Variants in SVEP1 observed in about 807,000 individuals in gnomAD.
SVEP1 encodes the protein sushi, von Willebrand factor type A, EGF and pentraxin domain containing 1.
A neutral mutation model predicts 367.3 loss-of-function variants in SVEP1; 164 were observed. The ratio of observed to expected loss-of-function variants is 0.45; its 90% CI spans 0.39 to 0.51. SVEP1 has a LOEUF of 0.51. Ranked by LOEUF, SVEP1 falls within the 20% of genes least tolerant of loss-of-function variation. The pLI, the probability that SVEP1 is intolerant of heterozygous loss-of-function variation, is 0.00. For missense variants in SVEP1, 4,117 were observed against 4,425.3 expected (o/e 0.93, Z 1.98); for synonymous variants, 1,666 against 1,611.6 (o/e 1.03, Z -0.81).
intron 43 of SVEP1, among the ~76,000 whole-genome samples, chr9:110,385,298 A>C (rs1827503366): frequency 6.6e-6 from 1 of 152,184 alleles, no homozygotes; most frequent in Admixed American, 6.6e-5. Flanking sequence ...AGATGTTTTA[A>C]ATGGAGTTAA....
At position 110,507,958 on chromosome 9, in the gene SVEP1, G is replaced by A. The variant is rs114578902; in HGVS notation, c.1304-4741C>T. ...ATGCAAATTATACTGCTTCTCAGAT[G>A]TTGGTATTAATAAACTTCCATTGCT... is the stretch of plus-strand genomic sequence containing the variant. On this transcript the variant is annotated intron_variant, in intron 5 of 47. Transcript: ENST00000374469. 6.3e-3 allele frequency among the ~76,000 whole-genome samples: 966 copies of A among 152,250 alleles called. 11 individuals are homozygous for A. Among genetic ancestry groups the A allele is most frequent in the African/African-American group, 0.022 (925 of 41,548 alleles).
At chr9:110,499,853 CACATT>C (rs1829506044) in intron 6 of SVEP1, among the ~76,000 whole-genome samples, 1 of 152,196 alleles carries the variant, frequency 6.6e-6, no homozygotes, top group Admixed American at 6.5e-5. Flanking sequence ...CACCCATAGG[CACATT>C]TGTTTTTTGT....
Position 110,482,461 on chromosome 9 carries a change from T to G in SVEP1, c.2070A>C (p.Thr690=). ...GAELVITRSH[T]QGDLFPQGET... ...CCCCTTGAGGGAAAAGGTCTCCTTG[T>G]GTATGACTTCTGGTAATGACCAATT... Residue 690 remains threonine, a synonymous_variant, in exon 11 of 48, where the codon ACA becomes ACC. Transcript: ENST00000374469. 6.3e-7 allele frequency: 1 copy of G among 1,586,376 alleles called. No homozygotes were observed. The highest frequency in any genetic ancestry group is 8.6e-7 in the Non-Finnish European group (1 of 1,164,942).
intron 13 of SVEP1, among the ~76,000 whole-genome samples, chr9:110,478,828 G>A (rs920902200): frequency 2.4e-4 from 36 of 152,226 alleles, no homozygotes; most frequent in Admixed American, 5.9e-4. Context: ...AAGTGCTACC[G>A]AGTCTGCAGG....
rs140468170 is a variant in SVEP1, at chr9:110,463,048, T to C, written c.3322+2817A>G. On this transcript the variant is annotated intron_variant, in intron 18 of 47. Transcript: ENST00000374469. Reference sequence around the variant, plus strand: ...ATATCATAACATCATTTTGTACACCTTAATTATAGATCATTTTAAATAAAT... The same window carrying C: ...ATATCATAACATCATTTTGTACACCCTAATTATAGATCATTTTAAATAAAT... Among the ~76,000 whole-genome samples, 7 of 152,218 alleles carry C rather than the reference T, an allele frequency of 4.6e-5. No homozygotes were observed. In the East Asian group the frequency reaches 1.2e-3, roughly 25 times the overall value.
chr9:110,394,870 G>A (rs1230720846), intron 40 of SVEP1, among the ~76,000 whole-genome samples: 8 of 152,264 alleles, frequency 5.3e-5, no homozygotes, highest in East Asian at 1.9e-4. Context: ...CCAAATCTAC[G>A]TCTGATTGGT....
chr9:110,493,810 C>G (rs987582349), intron 8 of SVEP1, among the ~76,000 whole-genome samples: 3 of 152,132 alleles, frequency 2.0e-5, no homozygotes, highest in African/African-American at 7.2e-5. Context: ...AGGTTAGAGA[C>G]ACTGATGGGT....
chr9:110,558,493 G>A (rs1217783785), intron 1 of SVEP1, among the ~76,000 whole-genome samples: 8 of 124,700 alleles, frequency 6.4e-5, no homozygotes, highest in Non-Finnish European at 1.3e-4. Flanking sequence ...CAGCCTGGGT[G>A]ACAGAATGAG....
intron 47 of SVEP1, 22 bp from the exon 48 acceptor site, chr9:110,366,582 A>G: frequency 6.6e-7 from 1 of 1,524,286 alleles, no homozygotes. Context: ...AAAAAAAGCA[A>G]CCAAATAGAT....
At chr9:110,465,250 C>A (rs982382105) in intron 18 of SVEP1, among the ~76,000 whole-genome samples, 1 of 151,624 alleles carries the variant, frequency 6.6e-6, no homozygotes, top group South Asian at 2.1e-4. Flanking sequence ...AAATTAGTGG[C>A]TCTCAGATTT....
intron 1 of SVEP1, among the ~76,000 whole-genome samples, chr9:110,553,089 C>T (rs1830311842): frequency 6.6e-6 from 1 of 152,080 alleles, no homozygotes; most frequent in Admixed American, 6.5e-5. Flanking sequence ...TGCGGATGAC[C>T]AACAAAGACC....
chr9:110,387,705 T>C (rs577447051), intron 41 of SVEP1, among the ~76,000 whole-genome samples: 20 of 152,316 alleles, frequency 1.3e-4, no homozygotes, highest in African/African-American at 4.8e-4. Flanking sequence ...TTATTAATAA[T>C]GCTGGGGACA....
Position 110,404,231 on chromosome 9 carries a change from T to A in SVEP1, c.9666+96A>T, listed in dbSNP as rs562264164. On this transcript the variant is annotated intron_variant, in intron 39 of 47. Transcript: ENST00000374469. ...TTTGAAATGAGTGAAAACTTCAGAC[T>A]TTTTTTTCTTTTTGGGATTACTATT... is the stretch of plus-strand genomic sequence containing the variant. 15 of 1,206,042 alleles carry A rather than the reference T, an allele frequency of 1.2e-5. No individual in the cohort carries two copies. The South Asian group carries it at 1.5e-4, about 12-fold the overall frequency. 74.7% of individuals were successfully genotyped at this position (1,206,042 alleles called of 1,614,324 possible).
intron 5 of SVEP1, among the ~76,000 whole-genome samples, chr9:110,511,488 C>CTTTTTTTTTTTTTTTT (rs199993986): frequency 5.2e-5 from 4 of 77,554 alleles, no homozygotes; most frequent in African/African-American, 9.0e-5. Flanking sequence ...GTGTCAGTAC[C>CTTTTTTTTTTTTTTTT]TTTTTTTTTT....
rs995723498 is a variant in SVEP1 at position 110,411,602 on chromosome 9, G to C, written c.6109C>G (p.Arg2037Gly). ...VDHASPETAH[R>G]LFGDIAFYYC... ...TAGAATGCAATGTCTCCAAAGAGCC[G>C]ATGGGCAGTCTCTGGAGAGGCGTGG... Residue 2037 changes from arginine to glycine, a missense_variant, in exon 37 of 48, where the codon CGG (arginine) becomes GGG (glycine). Coordinates refer to ENST00000374469, the MANE Select transcript of SVEP1 (RefSeq NM_153366.4). 1.2e-6 allele frequency: 2 copies of C among 1,613,762 alleles called. No individual in the cohort carries two copies. The highest frequency in any genetic ancestry group is 1.7e-6 in the Non-Finnish European group (2 of 1,179,822).
In SVEP1 at chr9:110,438,908, G is replaced by A. The variant is rs926155413; in HGVS notation, c.4640-2404C>T. On this transcript the variant is annotated intron_variant, in intron 27 of 47. Transcript: ENST00000374469. ...CAGTATCACACCTATATCTTTAGCT[G>A]TATTTTCGTGACTAGAAATTCAACA... Among the ~76,000 whole-genome samples the A allele has an allele frequency of 2.6e-5, 4 of 152,144 alleles. No homozygotes were observed. In the South Asian group the frequency reaches 6.2e-4, roughly 24 times the overall value.
chr9:110,513,846 C>T lies in SVEP1; in HGVS notation c.1123+102G>A, dbSNP rs10980420. 7.4e-3 allele frequency: 9,768 copies of T among 1,327,740 alleles called. 78 individuals carry two copies. Among genetic ancestry groups the T allele is most frequent in the Non-Finnish European group, 8.9e-3 (8,801 of 983,472 alleles). The allele number at this position is 1,327,740 out of a possible 1,614,324, so 82.2% of individuals were successfully genotyped here. Reference sequence around the variant, plus strand: ...CAAAAAATATGATTAGAGAAAAGAACATTAAAGATCATTCTAAATGAATTA... The same window carrying T: ...CAAAAAATATGATTAGAGAAAAGAATATTAAAGATCATTCTAAATGAATTA... On this transcript the variant is annotated intron_variant, in intron 4 of 47. Coordinates refer to ENST00000374469, the MANE Select transcript of SVEP1 (RefSeq NM_153366.4).
rs768729921 is a variant in SVEP1, at chr9:110,407,561, A to C, written c.8039T>G (p.Met2680Arg). 6.2e-7 allele frequency: 1 copy of C among 1,614,028 alleles called. No homozygotes were observed. Among genetic ancestry groups the C allele is most frequent in the Non-Finnish European group, 8.5e-7 (1 of 1,179,886 alleles). Reference protein sequence around the residue: ...THSSNFLYGTMVSYTCNPGYE... With the variant: ...THSSNFLYGTRVSYTCNPGYE... ...TCCTGGATTACAGGTGTATGAAACCATGGTACCATACAGAAAGTTTGATGA... is the reference window on the plus strand; with the variant it reads ...TCCTGGATTACAGGTGTATGAAACCCTGGTACCATACAGAAAGTTTGATGA... Residue 2680 changes from methionine to arginine, a missense_variant, in exon 38 of 48, where the codon ATG (methionine) becomes AGG (arginine). Physicochemically the swap from Met to Arg is moderately conservative, Grantham distance 91. Around this residue, in one of 4 missense-constraint regions of SVEP1, gnomAD observed 1,765 missense variants for 1,781.1 expected, o/e 0.99. Transcript: ENST00000374469.
chr9:110,562,099 C>G (rs1187177927), intron 1 of SVEP1, among the ~76,000 whole-genome samples: 1 of 151,722 alleles, frequency 6.6e-6, no homozygotes, highest in African/African-American at 2.4e-5. Flanking sequence ...ATGGTACGCA[C>G]AGGAGTTGAT....
Sources: gnomAD v4.1 joint callset for allele counts (sites outside exome capture counted in the v4.1 genomes callset) on GRCh38, gnomAD v4.1.1 for gene constraint, gnomAD v4.1.1 regional missense constraint, MANE v1.5 for transcripts, NCBI Gene and HGNC (gene_info 2026-07-23, HGNC 2026-07-21) for gene names.